Variants in SI observed in about 807,000 individuals in gnomAD.
SI encodes sucrase-isomaltase, intestinal.
A neutral mutation model predicts 253.3 loss-of-function variants in SI; 235 were observed. That is an observed-to-expected ratio of 0.93 (90% CI 0.83 to 1.03). The LOEUF (loss-of-function observed/expected upper bound fraction) is 1.03. Among genes scored for constraint, SI ranks in the 50% least tolerant of loss-of-function variants. The pLI is 0.00. For missense variants in SI, 2,442 were observed against 2,211.1 expected (o/e 1.10, Z -2.09); for synonymous variants, 819 against 712.0 (o/e 1.15, Z -2.39).
intron 5 of SI, among the ~76,000 whole-genome samples, chr3:165,067,998 A>G (rs1183364765): frequency 2.0e-5 from 3 of 152,026 alleles, no homozygotes. Context: ...AAGGTGATAT[A>G]CAAAGAATTT....
chr3:165,061,455 A>C (rs1297736151), intron 9 of SI, among the ~76,000 whole-genome samples: 1 of 151,990 alleles, frequency 6.6e-6, no homozygotes, highest in Non-Finnish European at 1.5e-5. Flanking sequence ...GAACTTGGGA[A>C]TGATTAGACA....
upstream of SI, among the ~76,000 whole-genome samples, chr3:165,078,864 G>T (rs1336794905): frequency 1.3e-5 from 2 of 151,362 alleles, no homozygotes; most frequent in Admixed American, 6.6e-5. Flanking sequence ...TTGAAAGACA[G>T]AATCTGTGAA....
chr3:164,999,428 A>G (rs1475545250), intron 37 of SI, among the ~76,000 whole-genome samples: 1 of 151,536 alleles, frequency 6.6e-6, no homozygotes, highest in African/African-American at 2.4e-5. Flanking sequence ...ATTATATTAT[A>G]AGAGTATCAA....
intron 41 of SI, 23 bp from the exon 42 acceptor site, chr3:164,992,420 A>T (rs778175410): frequency 2.6e-5 from 39 of 1,475,984 alleles, no homozygotes; most frequent in Middle Eastern, 1.7e-4. Context: ...ATCACAAATA[A>T]TTAAATTAAA....
chr3:165,087,143 C>A, the SI span, among the ~76,000 whole-genome samples: 1 of 98,608 alleles, frequency 1.0e-5, no homozygotes, highest in African/African-American at 3.2e-5. Context: ...ATACACAAAA[C>A]AAAACAAACA....
rs1233855132 is a variant in SI, at chr3:165,017,691, G to A, written c.3634-18C>T. ...CCAATTACCTTTAAAAAAAATTCAT[G>A]TGTGAACTAAGAGAATTACTTTATG... is the stretch of plus-strand genomic sequence containing the variant. On this transcript the variant is annotated intron_variant, in intron 30 of 47. Coordinates refer to ENST00000264382, the MANE Select transcript of SI (RefSeq NM_001041.4). The A allele has an allele frequency of 6.2e-7, 1 of 1,611,188 alleles. No individual in the cohort carries two copies. The highest frequency in any genetic ancestry group is 1.1e-5 in the South Asian group (1 of 91,000).
chr3:165,069,086 G>C lies in SI; in HGVS notation c.365C>G (p.Thr122Arg), dbSNP rs529409680. 3.1e-6 allele frequency: 5 copies of C among 1,601,834 alleles called. No individual in the cohort carries two copies. The highest frequency in any genetic ancestry group is 4.3e-6 in the Non-Finnish European group (5 of 1,169,148). ...HGYNVQDMTT[T>R]SIGVEAKLNR... ...AACAGAGGACTTCTTACCAATACTT[G>C]TTGTTGTCATGTCTTGAACGTTATA... The change falls in exon 4 of 48, where the codon ACA becomes AGA. Residue 122 changes from threonine (T) to arginine (R), a missense_variant. Physicochemically the swap from Thr to Arg is moderately conservative, Grantham distance 71. Coordinates refer to ENST00000264382, the MANE Select transcript of SI (RefSeq NM_001041.4).
At chr3:165,049,459 A>T (rs1408516190) in intron 14 of SI, among the ~76,000 whole-genome samples, 2 of 152,154 alleles carry the variant, frequency 1.3e-5, no homozygotes, top group African/African-American at 4.8e-5. Context: ...TATTAGATTT[A>T]TATTTACATT....
At chr3:164,998,283 C>T (rs115536114) in intron 38 of SI, among the ~76,000 whole-genome samples, 329 of 151,738 alleles carry the variant, frequency 2.2e-3, no homozygotes, top group African/African-American at 7.7e-3. Context: ...CAGCTACTGC[C>T]CTTTTCAGTA....
At chr3:164,987,039 G>T in intron 45 of SI, 99 bp downstream of exon 45, 3 of 929,474 alleles carry the variant, frequency 3.2e-6, no homozygotes, top group Non-Finnish European at 5.3e-6. Context: ...AATATTAATA[G>T]CTTTGTACTC....
At chr3:165,008,117 C>A in intron 35 of SI, 119 bp from the exon 36 acceptor site, 1 of 516,716 alleles carries the variant, frequency 1.9e-6, no homozygotes, top group East Asian at 3.3e-5. Flanking sequence ...TATATACTCA[C>A]TATTCTAAAC....
rs534252932 is a variant in SI at position 165,006,863 on chromosome 3, G to A, written c.4359C>T (p.Tyr1453=). The A allele has an allele frequency of 1.3e-4, 207 of 1,611,048 alleles. No homozygotes were observed. Among genetic ancestry groups the A allele is most frequent in the Non-Finnish European group, 1.5e-4 (173 of 1,177,490 alleles). The part of the protein sequence containing the change: ...ILSDGTSVLH[Y]DVHNLYGWSQ... The stretch of plus-strand genomic sequence containing the variant: ...ACCATCCATAGAGATTGTGAACATC[G>A]TAATGCAAAACTGATGTTCCATCAC... The change falls in exon 37 of 48, where the codon TAC becomes TAT. Residue 1453 remains tyrosine, a synonymous_variant. Transcript: ENST00000264382.
At chr3:165,008,176 G>A (rs1718605374) in intron 35 of SI, among the ~76,000 whole-genome samples, 178 bp from the exon 36 acceptor site, 1 of 151,700 alleles carries the variant, frequency 6.6e-6, no homozygotes, top group Admixed American at 6.6e-5. Context: ...CTCATTGATT[G>A]CTTTTTTCAG....
intron 13 of SI, among the ~76,000 whole-genome samples, chr3:165,052,376 G>A (rs1293810821): frequency 6.6e-6 from 1 of 152,120 alleles, no homozygotes; most frequent in Non-Finnish European, 1.5e-5. Flanking sequence ...ATATGTAGGT[G>A]TCATTCAAAT....
chr3:164,987,004 T>G (rs1717468793), intron 45 of SI, 134 bp downstream of exon 45: 1 of 727,576 alleles, frequency 1.4e-6, no homozygotes, highest in Non-Finnish European at 2.4e-6. Flanking sequence ...TTCAGTGAAT[T>G]TAGTAAAATC....
At chr3:165,034,152 T>A (rs977821965) in intron 22 of SI, among the ~76,000 whole-genome samples, 1 of 151,902 alleles carries the variant, frequency 6.6e-6, no homozygotes, top group East Asian at 1.9e-4. Flanking sequence ...AATAATATTA[T>A]ATTCAGAACC....
chr3:164,992,232 T>C lies in SI; in HGVS notation c.4928A>G (p.Tyr1643Cys), dbSNP rs2108127195. ...GACGTAGGCATTTACAGTTTGAACATACTGGAATGTAAATAAATAGCCATT... is the reference window on the plus strand; with the variant it reads ...GACGTAGGCATTTACAGTTTGAACACACTGGAATGTAAATAAATAGCCATT... ...AFMVTPVLEP[Y>C]VQTVNAYVPN... The change falls in exon 43 of 48, where the codon TAT (tyrosine) becomes TGT (cysteine). Residue 1643 changes from tyrosine (Y) to cysteine (C), a missense_variant and splice_region_variant. Coordinates refer to ENST00000264382, the MANE Select transcript of SI (RefSeq NM_001041.4). 6.2e-7 allele frequency: 1 copy of C among 1,612,768 alleles called. No homozygotes were observed. Among genetic ancestry groups the C allele is most frequent in the Non-Finnish European group, 8.5e-7 (1 of 1,179,230 alleles).
chr3:165,080,863 G>T (rs1031657234), upstream of SI, among the ~76,000 whole-genome samples: 26 of 151,728 alleles, frequency 1.7e-4, no homozygotes, highest in Non-Finnish European at 3.5e-4. Flanking sequence ...TAACAAACCT[G>T]CACATTGTGC....
intron 25 of SI, among the ~76,000 whole-genome samples, chr3:165,028,540 T>C (rs1308331237): frequency 1.3e-5 from 2 of 151,524 alleles, no homozygotes; most frequent in Non-Finnish European, 3.0e-5. Context: ...TTTCAAACTA[T>C]ACTATAAAGC....
Sources: allele counts gnomAD v4.1 joint callset (sites outside exome capture counted in the v4.1 genomes callset), GRCh38; gene constraint gnomAD v4.1.1; transcripts MANE v1.5; gene names NCBI Gene and HGNC (gene_info 2026-07-23, HGNC 2026-07-21).